Variants in HCN1 observed in about 807,000 individuals in gnomAD.
HCN1 encodes potassium/sodium hyperpolarization-activated cyclic nucleotide-gated channel 1.
A neutral mutation model predicts 78.9 loss-of-function variants in HCN1; 13 were observed. The ratio of observed to expected loss-of-function variants is 0.16; its 90% CI spans 0.11 to 0.26. The LOEUF (loss-of-function observed/expected upper bound fraction) is 0.26, where lower values mean the gene tolerates loss of function less well. Ranked by LOEUF, HCN1 falls within the 10% of genes least tolerant of loss-of-function variation. HCN1 has a pLI of 1.00. For missense variants in HCN1, 810 were observed against 1,154.3 expected (o/e 0.70, Z 4.32); for synonymous variants, 552 against 455.5 (o/e 1.21, Z -2.70).
At chr5:45,604,345 A>T (rs1744683650) in intron 2 of HCN1, among the ~76,000 whole-genome samples, 1 of 151,758 alleles carries the variant, frequency 6.6e-6, no homozygotes, top group South Asian at 2.1e-4. Context: ...AGCAGTCTGC[A>T]GTCTGGGTGG....
At chr5:45,291,626 C>T (rs375963376) in intron 6 of HCN1, among the ~76,000 whole-genome samples, 22 of 151,922 alleles carry the variant, frequency 1.4e-4, no homozygotes, top group African/African-American at 5.1e-4. Flanking sequence ...CTCGTTGCAA[C>T]CTCCATCTCC....
At chr5:45,288,983 A>C (rs1745320797) in intron 6 of HCN1, among the ~76,000 whole-genome samples, 1 of 152,076 alleles carries the variant, frequency 6.6e-6, no homozygotes. Context: ...AAGTAACCGC[A>C]GGACATCATT....
chr5:45,345,456 G>A (rs549888836), intron 5 of HCN1, among the ~76,000 whole-genome samples: 16 of 152,202 alleles, frequency 1.1e-4, no homozygotes, highest in South Asian at 6.2e-4. Context: ...ACATGGTCAC[G>A]CTGCAAAATA....
chr5:45,530,046 A>C (rs1193436778), intron 2 of HCN1, among the ~76,000 whole-genome samples: 4 of 152,106 alleles, frequency 2.6e-5, no homozygotes, highest in Non-Finnish European at 5.9e-5. Flanking sequence ...AATCTGTTAA[A>C]CATAATAGAG....
At chr5:45,423,526 T>C (rs1740270956) in intron 3 of HCN1, among the ~76,000 whole-genome samples, 1 of 152,238 alleles carries the variant, frequency 6.6e-6, no homozygotes, top group African/African-American at 2.4e-5. Context: ...TTTTGTTCAC[T>C]ACATTCTACA....
At chr5:45,679,144 T>C (rs1185110345) in intron 1 of HCN1, among the ~76,000 whole-genome samples, 4 of 152,052 alleles carry the variant, frequency 2.6e-5, no homozygotes, top group Admixed American at 6.6e-5. Context: ...GGTTAAGATA[T>C]TGGGCTCTGA....
intron 5 of HCN1, 136 bp downstream of exon 5, chr5:45,352,964 G>T: frequency 1.4e-6 from 1 of 693,744 alleles, no homozygotes; most frequent in Non-Finnish European, 2.4e-6. Context: ...TAGGTGAGAA[G>T]CTAAAGAAGA....
At chr5:45,540,003 A>C (rs1743066331) in intron 2 of HCN1, among the ~76,000 whole-genome samples, 1 of 146,584 alleles carries the variant, frequency 6.8e-6, no homozygotes, top group Admixed American at 6.8e-5. Context: ...TTACTTAATC[A>C]ATCTCCAATT....
intron 3 of HCN1, among the ~76,000 whole-genome samples, chr5:45,432,024 C>A (rs1281127246): frequency 6.6e-6 from 1 of 152,118 alleles, no homozygotes; most frequent in Non-Finnish European, 1.5e-5. Context: ...TTGTTTTAGG[C>A]AGCATGACCA....
At chr5:45,446,281 G>T (rs944789844) in intron 3 of HCN1, among the ~76,000 whole-genome samples, 1 of 152,134 alleles carries the variant, frequency 6.6e-6, no homozygotes, top group African/African-American at 2.4e-5. Context: ...TGGAAGAAAG[G>T]GTATGAGTGA....
Position 45,459,217 on chromosome 5 carries a change from G to A in HCN1, c.1011+2629C>T, listed in dbSNP as rs562845534. On this transcript the variant is annotated intron_variant, in intron 3 of 7. Coordinates refer to ENST00000303230, the MANE Select transcript of HCN1 (RefSeq NM_021072.4). ...CCAGGAGTTTAAGACCAGCCTTGGCGACATAGCAAGACCCCCATCTCAAAA... is the reference window on the plus strand; with the variant it reads ...CCAGGAGTTTAAGACCAGCCTTGGCAACATAGCAAGACCCCCATCTCAAAA... Among the ~76,000 whole-genome samples the A allele has an allele frequency of 3.3e-5, 5 of 151,728 alleles. No homozygotes were observed. In the South Asian group the frequency reaches 6.2e-4, roughly 19 times the overall value.
At position 45,256,571 on chromosome 5, in the gene HCN1, C is replaced by G. The variant is rs1054182551; in HGVS notation, c.*5350G>C. ...TTGAGAAAGGGTTTTGCTCTGTCCCCCAAGCTGGAGTGCAGTGGAACGAAC... is the reference window on the plus strand; with the variant it reads ...TTGAGAAAGGGTTTTGCTCTGTCCCGCAAGCTGGAGTGCAGTGGAACGAAC... On this transcript the variant is annotated 3_prime_UTR_variant, in exon 8 of 8. Transcript: ENST00000303230. The G allele has an allele frequency of 6.6e-6, 1 of 152,032 alleles. No individual in the cohort carries two copies. The highest frequency in any genetic ancestry group is 2.4e-5 in the African/African-American group (1 of 41,392). The allele number at this position is 152,032 out of a possible 1,614,324, so 9.4% of individuals were successfully genotyped here.
chr5:45,568,397 G>A (rs1226526070), intron 2 of HCN1, among the ~76,000 whole-genome samples: 1 of 151,640 alleles, frequency 6.6e-6, no homozygotes, highest in Non-Finnish European at 1.5e-5. Context: ...AATGTAAAGT[G>A]CAAAATTTGA....
intron 2 of HCN1, among the ~76,000 whole-genome samples, chr5:45,622,661 A>G (rs1745091873): frequency 2.0e-5 from 3 of 152,258 alleles, no homozygotes; most frequent in East Asian, 3.9e-4. Context: ...AAAGAAAAAG[A>G]GATAAAAAGG....
chr5:45,602,196 C>A (rs1021327926), intron 2 of HCN1, among the ~76,000 whole-genome samples: 5 of 152,028 alleles, frequency 3.3e-5, no homozygotes, highest in African/African-American at 1.2e-4. Context: ...TTCTTCCTAG[C>A]GGCATGAGAA....
chr5:45,629,771 G>A (rs978632223), intron 2 of HCN1, among the ~76,000 whole-genome samples: 2 of 152,098 alleles, frequency 1.3e-5, no homozygotes, highest in East Asian at 3.9e-4. Context: ...TATTGGTTTA[G>A]ACAAAAAACT....
chr5:45,386,237 G>T (rs1310346634), intron 4 of HCN1, among the ~76,000 whole-genome samples: 1 of 149,228 alleles, frequency 6.7e-6, no homozygotes, highest in African/African-American at 2.5e-5. Flanking sequence ...GTTCAGTGGT[G>T]TGATCAGAGC....
At chr5:45,291,375 C>A (rs568498941) in intron 6 of HCN1, among the ~76,000 whole-genome samples, 31 of 151,974 alleles carry the variant, frequency 2.0e-4, no homozygotes, top group Non-Finnish European at 4.0e-4. Flanking sequence ...CCACACCGAG[C>A]TCATCTTTTA....
intron 2 of HCN1, among the ~76,000 whole-genome samples, chr5:45,619,221 C>T (rs535842932): frequency 7.4e-4 from 113 of 152,122 alleles, no homozygotes; most frequent in African/African-American, 2.6e-3. Context: ...AAATTGCTTC[C>T]ATTGTCTTGG....
Sources: gnomAD v4.1 joint callset for allele counts (sites outside exome capture counted in the v4.1 genomes callset) on GRCh38, gnomAD v4.1.1 for gene constraint, MANE v1.5 for transcripts, NCBI Gene and HGNC (gene_info 2026-07-23, HGNC 2026-07-21) for gene names.